Variants in STIL observed in about 807,000 individuals in gnomAD.
STIL encodes the protein STIL centriolar assembly protein, also known as SCL-interrupting locus protein.
Under a neutral mutation model 110.1 loss-of-function variants are expected in STIL, and 55 were observed. That is an observed-to-expected ratio of 0.50 (90% CI 0.40 to 0.63). The LOEUF is 0.63. Among genes scored for constraint, STIL ranks in the 20% least tolerant of loss-of-function variants. The pLI is 0.00. For missense variants in STIL, 1,358 were observed against 1,530.0 expected (o/e 0.89, Z 1.87); for synonymous variants, 481 against 530.0 (o/e 0.91, Z 1.27).
chr1:47,295,824 G>T lies in STIL; in HGVS notation c.726C>A (p.Arg242=). Residue 242 remains arginine (R), a synonymous_variant, in exon 7 of 17, where the codon CGC becomes CGA. Transcript: ENST00000371877. ...KYGYLTMDET[R]KLLLLLESDP... is the part of the protein sequence containing the mutation. Reference sequence around the variant, plus strand: ...CAGATTCCAACAAAAGTAACAATTTGCGTGTTTCATCCATGGTAAGATATC... The same window carrying T: ...CAGATTCCAACAAAAGTAACAATTTTCGTGTTTCATCCATGGTAAGATATC... 1 of 1,612,788 alleles carries T rather than the reference G, an allele frequency of 6.2e-7. No homozygotes were observed. Among genetic ancestry groups the T allele is most frequent in the Non-Finnish European group, 8.5e-7 (1 of 1,179,126 alleles).
At chr1:47,268,859 C>T (rs966336807) in intron 14 of STIL, among the ~76,000 whole-genome samples, 4 of 151,744 alleles carry the variant, frequency 2.6e-5, no homozygotes, top group East Asian at 1.9e-4. Flanking sequence ...TTTGGGAGGC[C>T]GAGGCAGGCA....
At chr1:47,273,759 TTC>T (rs1384359125) in intron 12 of STIL, among the ~76,000 whole-genome samples, 1 of 152,236 alleles carries the variant, frequency 6.6e-6, no homozygotes, top group Non-Finnish European at 1.5e-5. Flanking sequence ...GATTTTCTGC[TTC>T]TCTACAAATG....
In STIL at chr1:47,251,025, AAGAAAC is replaced by A; in HGVS notation, c.*105_*110del. ...TCACTCTTCCCAATTGGCTGCTACC[AAGAAAC>A]AGTGACTCCAGAATGATCAGGAGCC... On this transcript the variant is annotated 3_prime_UTR_variant, in exon 17 of 17. Transcript: ENST00000371877. The A allele has an allele frequency of 1.8e-6, 2 of 1,097,100 alleles. No homozygotes were observed. The highest frequency in any genetic ancestry group is 2.6e-6 in the Non-Finnish European group (2 of 772,958). 68.0% of individuals were successfully genotyped at this position (1,097,100 alleles called of 1,614,324 possible).
At chr1:47,285,103 A>C (rs1396574407) in intron 10 of STIL, among the ~76,000 whole-genome samples, 1 of 150,814 alleles carries the variant, frequency 6.6e-6, no homozygotes, top group Admixed American at 6.7e-5. Context: ...GGCTCACTGA[A>C]GCCTTGACCT....
At chr1:47,310,165 G>A in intron 2 of STIL, 111 bp downstream of exon 2, 1 of 1,050,950 alleles carries the variant, frequency 9.5e-7, no homozygotes, top group Non-Finnish European at 1.4e-6. Flanking sequence ...GCTAGGATAT[G>A]AACCCAGAAT....
intron 14 of STIL, among the ~76,000 whole-genome samples, chr1:47,266,408 A>G (rs577092379): frequency 1.3e-5 from 2 of 152,202 alleles, no homozygotes; most frequent in African/African-American, 4.8e-5. Context: ...TTGAAGCCAG[A>G]GTACAATGGC....
At chr1:47,272,726 C>CAAT (rs1167062841) in intron 12 of STIL, among the ~76,000 whole-genome samples, 4 of 152,078 alleles carry the variant, frequency 2.6e-5, no homozygotes, top group Admixed American at 6.6e-5. Context: ...CATTTAAAAG[C>CAAT]AATACATAAA....
At chr1:47,296,473 G>T (rs1428285031) in intron 6 of STIL, among the ~76,000 whole-genome samples, 1 of 152,100 alleles carries the variant, frequency 6.6e-6, no homozygotes, top group Non-Finnish European at 1.5e-5. Context: ...AAGTAGAATT[G>T]TTAATTTTAT....
intron 14 of STIL, among the ~76,000 whole-genome samples, chr1:47,263,911 C>T (rs907702307): frequency 6.6e-5 from 10 of 152,010 alleles, no homozygotes; most frequent in African/African-American, 2.4e-4. Context: ...CACCACCATG[C>T]TCAGCTAGTT....
intron 2 of STIL, among the ~76,000 whole-genome samples, chr1:47,307,800 T>C (rs1232778963): frequency 6.6e-6 from 1 of 152,240 alleles, no homozygotes; most frequent in Non-Finnish European, 1.5e-5. Context: ...CTGAATTCTT[T>C]TTCTCAGCAT....
chr1:47,252,003 G>C (rs889941475), intron 16 of STIL, 81 bp from the exon 17 acceptor site: 5 of 1,407,350 alleles, frequency 3.6e-6, no homozygotes, highest in Admixed American at 4.6e-5. Flanking sequence ...TTCTATACAA[G>C]CAACAAAAGA....
intron 12 of STIL, among the ~76,000 whole-genome samples, chr1:47,276,807 C>T (rs1048143494): frequency 1.3e-4 from 11 of 82,886 alleles, no homozygotes; most frequent in African/African-American, 6.8e-4. Flanking sequence ...GAGTAAAACT[C>T]TGCCTAAAAA....
At position 47,272,124 on chromosome 1, in the gene STIL, A is replaced by T; in HGVS notation, c.2335T>A (p.Ser779Thr). The change falls in exon 13 of 17, where the codon TCC becomes ACC. Residue 779 changes from serine (S) to threonine (T), a missense_variant. By Grantham distance (58) the Ser-to-Thr change is moderately conservative (BLOSUM62 1). Transcript: ENST00000371877. ...MELVSVEAQS[S>T]PGLHMRKGVS... ...CCTTTTCTCATGTGCAAGCCAGGGG[A>T]AGACTGTGCTTCCACAGAAACCAAC... The T allele has an allele frequency of 6.2e-7, 1 of 1,614,188 alleles. No individual in the cohort carries two copies.
chr1:47,312,500 C>CT (rs1231891742), intron 1 of STIL, among the ~76,000 whole-genome samples: 2 of 152,046 alleles, frequency 1.3e-5, no homozygotes, highest in Non-Finnish European at 2.9e-5. Flanking sequence ...AATATCTGGA[C>CT]TTAAAAGGTT....
At chr1:47,270,257 C>T (rs12756684) in intron 13 of STIL, among the ~76,000 whole-genome samples, 22,873 of 114,740 alleles carry the variant, frequency 0.2, 1,765 homozygotes, top group Middle Eastern at 0.23. Context: ...TATATATATA[C>T]ACACACACAC....
intron 6 of STIL, among the ~76,000 whole-genome samples, chr1:47,296,080 A>G (rs2149137354): frequency 6.6e-6 from 1 of 152,366 alleles, no homozygotes; most frequent in East Asian, 1.9e-4. Context: ...ATTAAAAGAC[A>G]TTGAAGATTA....
intron 3 of STIL, 77 bp from the exon 4 acceptor site, chr1:47,302,423 A>C: frequency 9.6e-7 from 1 of 1,042,638 alleles, no homozygotes; most frequent in South Asian, 1.3e-5. Flanking sequence ...AATGCTGTCT[A>C]AATTATAACA....
rs1644767496 is a variant in STIL, at chr1:47,269,863, G to A, written c.2387C>T (p.Ala796Val). 2 of 1,612,722 alleles carry A rather than the reference G, an allele frequency of 1.2e-6. No homozygotes were observed. The highest frequency in any genetic ancestry group is 4.5e-5 in the East Asian group (2 of 44,874). The change falls in exon 14 of 17, where the codon GCT (alanine) becomes GTT (valine). Residue 796 changes from alanine (A) to valine (V), a missense_variant. Transcript: ENST00000371877. The stretch of plus-strand genomic sequence containing the variant: ...ACCTGCTGCATTCCAAAACAAGCTA[G>A]CACCTGGAGGTTAAATAATTTAAGA... ...KGVSIAVSTG[A>V]SLFWNAAGED... is the part of the protein sequence containing the mutation.
intron 6 of STIL, among the ~76,000 whole-genome samples, chr1:47,296,610 C>T (rs1645647957): frequency 6.6e-6 from 1 of 151,864 alleles, no homozygotes; most frequent in African/African-American, 2.4e-5. Context: ...TCGAGACCAG[C>T]ATGGCCAACA....
Sources: gnomAD v4.1 joint callset for allele counts (sites outside exome capture counted in the v4.1 genomes callset) on GRCh38, gnomAD v4.1.1 for gene constraint, MANE v1.5 for transcripts, NCBI Gene and HGNC (gene_info 2026-07-23, HGNC 2026-07-21) for gene names.